Variants in CABCOCO1 observed in about 807,000 individuals in gnomAD.
CABCOCO1 encodes the protein ciliary-associated calcium-binding coiled-coil protein 1.
CABCOCO1 carries 28 observed loss-of-function variants against 35.7 expected under a neutral mutation model. The observed-to-expected ratio is 0.78, with a 90% CI of 0.58 to 1.07. The LOEUF (loss-of-function observed/expected upper bound fraction) is 1.07. Among genes scored for constraint, CABCOCO1 ranks in the 50% least tolerant of loss-of-function variants. The probability of loss-of-function intolerance (pLI) is 0.00; values close to 1 mark genes in which losing one functional copy is unlikely to be tolerated. For missense variants in CABCOCO1, 326 were observed against 309.2 expected (o/e 1.05, Z -0.41); for synonymous variants, 95 against 100.1 (o/e 0.95, Z 0.30).
chr10:61,751,213 CTTTT>C (rs57540074), intron 5 of CABCOCO1, among the ~76,000 whole-genome samples: 11 of 106,504 alleles, frequency 1.0e-4, no homozygotes, highest in Admixed American at 7.1e-4. Flanking sequence ...TTGCCTTGCT[CTTTT>C]TTTTTTTTTT....
chr10:61,686,012 A>G, intron 3 of CABCOCO1, 29 bp from the exon 4 acceptor site: 1 of 1,563,636 alleles, frequency 6.4e-7, no homozygotes, highest in South Asian at 1.2e-5. Flanking sequence ...TCAAAATAAT[A>G]ATTAAGATTT....
intron 5 of CABCOCO1, among the ~76,000 whole-genome samples, chr10:61,714,123 G>A (rs1840800744): frequency 6.6e-6 from 1 of 152,194 alleles, no homozygotes; most frequent in African/African-American, 2.4e-5. Flanking sequence ...GAATTTGGCT[G>A]TGAATCCATC....
chr10:61,721,431 C>G (rs151326869), intron 5 of CABCOCO1, among the ~76,000 whole-genome samples: 1 of 152,186 alleles, frequency 6.6e-6, no homozygotes, highest in African/African-American at 2.4e-5. Flanking sequence ...ATATGTACCA[C>G]GAACAATAGT....
In CABCOCO1 at chr10:61,686,189, T is replaced by A. The variant is rs759179967; in HGVS notation, c.479+4T>A. The A allele has an allele frequency of 4.5e-6, 7 of 1,545,924 alleles. No individual in the cohort carries two copies. The Admixed American group carries it at 7.0e-5, about 15-fold the overall frequency. On this transcript the variant is annotated splice_donor_region_variant and intron_variant, in intron 4 of 7. Transcript: ENST00000648843. ...TCATTGATTACTTAAAAATCAGGTATGGATTATTTTCAGTAACATTTATTT... is the reference window on the plus strand; with the variant it reads ...TCATTGATTACTTAAAAATCAGGTAAGGATTATTTTCAGTAACATTTATTT...
intron 5 of CABCOCO1, among the ~76,000 whole-genome samples, chr10:61,759,340 T>G (rs923963999): frequency 6.6e-6 from 1 of 152,062 alleles, no homozygotes; most frequent in African/African-American, 2.4e-5. Context: ...ATGTTTAATG[T>G]TATTAATACC....
intron 5 of CABCOCO1, among the ~76,000 whole-genome samples, chr10:61,742,222 G>GA (rs1458038197): frequency 1.3e-5 from 2 of 151,980 alleles, no homozygotes; most frequent in Admixed American, 6.6e-5. Context: ...GCTGAGTGAA[G>GA]AAAAAAAGCT....
chr10:61,662,971 C>G lies in CABCOCO1; in HGVS notation c.-2C>G, dbSNP rs940523776. The G allele has an allele frequency of 2.0e-5, 8 of 395,410 alleles. No individual in the cohort carries two copies. The Admixed American group carries it at 2.5e-4, about 12-fold the overall frequency. 24.5% of individuals were successfully genotyped at this position (395,410 alleles called of 1,614,324 possible). A position where few individuals can be genotyped will look rare whatever the true frequency, so the allele number is the denominator to read the frequency against. ...CCGCTTCTCTCGGCCGAGATTGCGG[C>G]GATGTCGCAGGGGACGACTCCCTGG... is the stretch of plus-strand genomic sequence containing the variant. On this transcript the variant is annotated 5_prime_UTR_variant, in exon 1 of 8. Transcript: ENST00000648843.
chr10:61,680,990 T>A (rs529363354), intron 2 of CABCOCO1, among the ~76,000 whole-genome samples, 153 bp from the exon 3 acceptor site: 1 of 151,768 alleles, frequency 6.6e-6, no homozygotes, highest in South Asian at 2.1e-4. Flanking sequence ...TCTGTTTCTT[T>A]TTTGAATGTC....
chr10:61,693,606 T>C (rs772412289), intron 5 of CABCOCO1, among the ~76,000 whole-genome samples: 34 of 152,100 alleles, frequency 2.2e-4, no homozygotes, highest in Non-Finnish European at 3.7e-4. Flanking sequence ...GCAATGATGA[T>C]GAGTGGCTCC....
Position 61,740,945 on chromosome 10 carries a change from G to A in CABCOCO1, c.553-19114G>A, listed in dbSNP as rs191763921. Among the ~76,000 whole-genome samples, 26 of 152,114 alleles carry A rather than the reference G, an allele frequency of 1.7e-4. No individual in the cohort carries two copies. The East Asian group carries it at 4.3e-3, about 25-fold the overall frequency. ...GAGGATCATTTGAGGTCAGCAGTTC[G>A]AGACCAGCCTGACCAACATGGTGAA... On this transcript the variant is annotated intron_variant, in intron 5 of 7. Coordinates refer to ENST00000648843, the MANE Select transcript of CABCOCO1 (RefSeq NM_001366906.2).
At chr10:61,691,740 G>A (rs927157241) in intron 5 of CABCOCO1, among the ~76,000 whole-genome samples, 1 of 151,982 alleles carries the variant, frequency 6.6e-6, no homozygotes, top group African/African-American at 2.4e-5. Context: ...GAGAACATGC[G>A]GTGTTCGGTT....
chr10:61,666,526 C>T (rs556107837), intron 1 of CABCOCO1, among the ~76,000 whole-genome samples: 12 of 152,304 alleles, frequency 7.9e-5, no homozygotes, highest in Admixed American at 3.9e-4. Flanking sequence ...TTGACAAACA[C>T]TTAGGCTTGT....
chr10:61,757,092 A>G (rs1273787820), intron 5 of CABCOCO1, among the ~76,000 whole-genome samples: 1 of 151,718 alleles, frequency 6.6e-6, no homozygotes, highest in Non-Finnish European at 1.5e-5. Flanking sequence ...GTTGTAAAAC[A>G]TGAGGTTTTG....
chr10:61,671,076 C>T (rs1839343073), intron 1 of CABCOCO1, among the ~76,000 whole-genome samples: 1 of 152,168 alleles, frequency 6.6e-6, no homozygotes, highest in Admixed American at 6.5e-5. Flanking sequence ...CCTGTAATCC[C>T]ATCACTTTGG....
chr10:61,736,969 C>A (rs557026400), intron 5 of CABCOCO1, among the ~76,000 whole-genome samples: 1 of 152,052 alleles, frequency 6.6e-6, no homozygotes, highest in South Asian at 2.1e-4. Context: ...TGTAGGAATA[C>A]TAGTGATTTT....
chr10:61,728,512 T>C (rs1487062825), intron 5 of CABCOCO1, among the ~76,000 whole-genome samples: 1 of 152,208 alleles, frequency 6.6e-6, no homozygotes, highest in Admixed American at 6.5e-5. Flanking sequence ...AAAGAAATAA[T>C]AATTTGTATT....
At chr10:61,732,494 C>A (rs1299980507) in intron 5 of CABCOCO1, among the ~76,000 whole-genome samples, 4 of 151,922 alleles carry the variant, frequency 2.6e-5, no homozygotes, top group African/African-American at 9.7e-5. Flanking sequence ...CAACTACCAC[C>A]CAAAAGTTAA....
intron 5 of CABCOCO1, among the ~76,000 whole-genome samples, chr10:61,723,414 T>C (rs913629058): frequency 6.6e-6 from 1 of 152,332 alleles, no homozygotes; most frequent in African/African-American, 2.4e-5. Context: ...AAAATGATGC[T>C]AAGACAAGGT....
chr10:61,766,154 A>G lies in CABCOCO1; in HGVS notation c.*141A>G. On this transcript the variant is annotated 3_prime_UTR_variant, in exon 8 of 8. Coordinates refer to ENST00000648843, the MANE Select transcript of CABCOCO1 (RefSeq NM_001366906.2). The stretch of plus-strand genomic sequence containing the variant: ...GCCCCACTTTTTATTTTCCTAAGTA[A>G]TTAGAAAAGTATTGGTCCCAATTTT... 1 of 749,274 alleles carries G rather than the reference A, an allele frequency of 1.3e-6. No homozygotes were observed. The highest frequency in any genetic ancestry group is 2.1e-6 in the Non-Finnish European group (1 of 477,648). 46.4% of individuals were successfully genotyped at this position (749,274 alleles called of 1,614,324 possible). A position where few individuals can be genotyped will look rare whatever the true frequency, so the allele number is the denominator to read the frequency against.
Sources: allele counts gnomAD v4.1 joint callset (sites outside exome capture counted in the v4.1 genomes callset), GRCh38; gene constraint gnomAD v4.1.1; transcripts MANE v1.5; gene names NCBI Gene and HGNC (gene_info 2026-07-23, HGNC 2026-07-21).